The following GLRA2 variants were observed in gnomAD, a reference collection of about 807,000 sequenced individuals.
GLRA2 encodes the protein glycine receptor subunit alpha-2.
A neutral mutation model predicts 31.6 loss-of-function variants in GLRA2; 11 were observed. The ratio of observed to expected loss-of-function variants is 0.35; its 90% CI spans 0.22 to 0.58. GLRA2 has a LOEUF of 0.58. Among genes scored for constraint, GLRA2 ranks in the 20% least tolerant of loss-of-function variants. The pLI is 0.84. For synonymous variants in GLRA2, 132 were observed against 134.0 expected (o/e 0.99, Z 0.10); for missense variants, 212 against 351.8 (o/e 0.60, Z 3.18).
intron 7 of GLRA2, among the ~76,000 whole-genome samples, chrX:14,662,880 TTTA>T (rs1373588010): frequency 1.8e-5 from 2 of 111,077 alleles, no homozygotes; most frequent in African/African-American, 6.7e-5. Flanking sequence ...TCATAAATAT[TTTA>T]TTATTTTTCT....
Position 14,691,277 on chromosome X carries a change from G to C in GLRA2, c.1080+418G>C, listed in dbSNP as rs928463073. ...TGGTTCTTCTAAATATTGACTGTGT[G>C]TGTGTGTGTGTGTGTGTGTGTGTGT... On this transcript the variant is annotated intron_variant, in intron 8 of 8. Coordinates refer to ENST00000218075, the MANE Select transcript of GLRA2 (RefSeq NM_002063.4). 3.5e-3 allele frequency among the ~76,000 whole-genome samples: 82 copies of C among 23,291 alleles called. 2 individuals carry two copies. Among genetic ancestry groups the C allele is most frequent in the Non-Finnish European group, 1.3e-3 (14 of 11,123 alleles). The allele number at this position is 23,291 out of a possible 115,157, so 20.2% of individuals were successfully genotyped here. A position where few individuals can be genotyped will look rare whatever the true frequency, so the allele number is the denominator to read the frequency against.
intron 8 of GLRA2, among the ~76,000 whole-genome samples, chrX:14,710,267 T>C (rs2091693567): frequency 8.9e-6 from 1 of 112,152 alleles, no homozygotes; most frequent in Non-Finnish European, 1.9e-5. Context: ...GCATTGACTT[T>C]CATCCCTCTG....
chrX:14,532,380 C>A lies in GLRA2; in HGVS notation c.202+8C>A, dbSNP rs1327860186. The stretch of plus-strand genomic sequence containing the variant: ...TCAGGCCAAATTTTAAAGGTAGGTT[C>A]CACTTAAACTTACGTTAAGCCTTTG... On this transcript the variant is annotated splice_region_variant and intron_variant, in intron 2 of 8. Transcript: ENST00000218075. The A allele has an allele frequency of 1.8e-6, 2 of 1,137,647 alleles. No homozygotes were observed. Among genetic ancestry groups the A allele is most frequent in the African/African-American group, 1.8e-5 (1 of 55,266 alleles). 93.8% of individuals were successfully genotyped at this position (1,137,647 alleles called of 1,213,427 possible).
At chrX:14,612,412 G>A (rs941007194) in intron 7 of GLRA2, among the ~76,000 whole-genome samples, 11 of 111,776 alleles carry the variant, frequency 9.8e-5, no homozygotes, top group Non-Finnish European at 1.5e-4. Context: ...GGAAGACAGT[G>A]TGACAATTCC....
chrX:14,706,870 T>C (rs1261594618), intron 8 of GLRA2, among the ~76,000 whole-genome samples: 2 of 112,206 alleles, frequency 1.8e-5, no homozygotes, highest in African/African-American at 3.2e-5. Flanking sequence ...CTTCAAATTA[T>C]GGTAGTTTGG....
intron 7 of GLRA2, among the ~76,000 whole-genome samples, chrX:14,635,041 G>C (rs977844160): frequency 1.8e-5 from 2 of 111,166 alleles, no homozygotes; most frequent in Non-Finnish European, 3.8e-5. Context: ...TAAATAAATG[G>C]GTTAAAATCA....
the GLRA2 span, among the ~76,000 whole-genome samples, chrX:14,495,588 G>GTA: frequency 6.6e-4 from 71 of 107,364 alleles, no homozygotes; most frequent in Non-Finnish European, 9.6e-4. Context: ...GTGAGTGTGT[G>GTA]TATATATATA....
At chrX:14,514,550 A>G in the GLRA2 span, among the ~76,000 whole-genome samples, 1 of 111,221 alleles carries the variant, frequency 9.0e-6, no homozygotes, top group East Asian at 2.8e-4. Context: ...AGTATCTTGG[A>G]CTCTGAGAAC....
the GLRA2 span, among the ~76,000 whole-genome samples, chrX:14,461,389 C>A: frequency 4.5e-5 from 5 of 111,330 alleles, no homozygotes; most frequent in East Asian, 1.4e-3. Flanking sequence ...GCTGAGTTCA[C>A]GTCCTGGATA....
intron 4 of GLRA2, among the ~76,000 whole-genome samples, chrX:14,600,914 T>C (rs773177561): frequency 5.4e-5 from 6 of 110,858 alleles, no homozygotes; most frequent in Non-Finnish European, 1.1e-4. Flanking sequence ...AGAAAAAAAA[T>C]AGATTCTCAT....
the GLRA2 span, among the ~76,000 whole-genome samples, chrX:14,508,512 T>C: frequency 9.0e-6 from 1 of 111,713 alleles, no homozygotes; most frequent in Non-Finnish European, 1.9e-5. Context: ...CAGCACACAG[T>C]CCTTATGGAG....
chrX:14,596,127 A>T (rs1397366002), intron 4 of GLRA2, among the ~76,000 whole-genome samples: 1 of 110,596 alleles, frequency 9.0e-6, no homozygotes, highest in Non-Finnish European at 1.9e-5. Flanking sequence ...GTTGTGGTTC[A>T]TTCAATGCAG....
intron 8 of GLRA2, among the ~76,000 whole-genome samples, chrX:14,719,246 T>C (rs1300640962): frequency 8.9e-6 from 1 of 112,160 alleles, no homozygotes; most frequent in Non-Finnish European, 1.9e-5. Flanking sequence ...TTACAGGTAT[T>C]GAACTAAAAT....
At chrX:14,713,343 G>A (rs1483876092) in intron 8 of GLRA2, among the ~76,000 whole-genome samples, 2 of 112,056 alleles carry the variant, frequency 1.8e-5, no homozygotes, top group Non-Finnish European at 3.8e-5. Flanking sequence ...TCACCTTCAT[G>A]CTTCTTAGAA....
the GLRA2 span, among the ~76,000 whole-genome samples, chrX:14,475,744 A>G: frequency 9.0e-6 from 1 of 111,457 alleles, no homozygotes; most frequent in African/African-American, 3.3e-5. Flanking sequence ...CTTAAAAATG[A>G]TTTTGAGGAG....
At chrX:14,592,391 C>T (rs1452847503) in intron 4 of GLRA2, among the ~76,000 whole-genome samples, 1 of 111,441 alleles carries the variant, frequency 9.0e-6, no homozygotes, top group Non-Finnish European at 1.9e-5. Flanking sequence ...TTCAACATGG[C>T]CGGGCAGAGT....
At chrX:14,571,982 G>A (rs1237494731) in intron 2 of GLRA2, among the ~76,000 whole-genome samples, 1 of 111,719 alleles carries the variant, frequency 9.0e-6, no homozygotes, top group African/African-American at 3.3e-5. Context: ...GGGACTTCAA[G>A]CAATTTAACC....
At chrX:14,574,829 A>G (rs1456533894) in intron 3 of GLRA2, among the ~76,000 whole-genome samples, 1 of 112,063 alleles carries the variant, frequency 8.9e-6, no homozygotes, top group Non-Finnish European at 1.9e-5. Context: ...CACAATAAAC[A>G]TGATGCATAG....
intron 7 of GLRA2, among the ~76,000 whole-genome samples, chrX:14,620,959 A>G (rs745571799): frequency 8.1e-4 from 91 of 111,695 alleles, no homozygotes; most frequent in African/African-American, 2.4e-3. Context: ...GCCACTTTCA[A>G]TCATTGCATT....
Sources: allele counts gnomAD v4.1 joint callset (sites outside exome capture counted in the v4.1 genomes callset), GRCh38; gene constraint gnomAD v4.1.1; transcripts MANE v1.5; gene names NCBI Gene and HGNC (gene_info 2026-07-23, HGNC 2026-07-21).